PRKAG2: variants seen among roughly 807,000 people sequenced by gnomAD.
The protein encoded by PRKAG2 is 5'-AMP-activated protein kinase subunit gamma-2.
A neutral mutation model predicts 69.6 loss-of-function variants in PRKAG2; 26 were observed. That is an observed-to-expected ratio of 0.37 (90% confidence interval 0.27 to 0.52). The LOEUF is 0.52. PRKAG2 is among the 20% of genes least tolerant of loss of function. PRKAG2 has a pLI of 0.90. For synonymous variants in PRKAG2, 293 were observed against 285.0 expected, an observed-to-expected ratio of 1.03 and a Z score of -0.28; for missense variants, 557 against 740.0, an observed-to-expected ratio of 0.75 and a Z score of 2.87.
intron 5 of PRKAG2, among the ~76,000 whole-genome samples, chr7:151,610,978 CCT>C (rs1818693211): frequency 6.6e-6 from 1 of 152,048 alleles, no homozygotes. Context: ...TGGTTTTGAA[CCT>C]CTGACCGCAG....
chr7:151,764,497 G>A (rs1163843979), intron 3 of PRKAG2, among the ~76,000 whole-genome samples: 2 of 152,214 alleles, frequency 1.3e-5, no homozygotes, highest in Non-Finnish European at 2.9e-5. Flanking sequence ...CCCCCGCCCA[G>A]TACTTTCTGA....
intron 5 of PRKAG2, among the ~76,000 whole-genome samples, chr7:151,628,376 C>A (rs547579341): frequency 6.6e-6 from 1 of 152,164 alleles, no homozygotes; most frequent in African/African-American, 2.4e-5. Flanking sequence ...ACAGCAAAGA[C>A]GTGGTCGGTG....
rs727505238 is a variant in PRKAG2, at chr7:151,595,332, G to A, written c.864+13C>T. The A allele has an allele frequency of 1.8e-5, 28 of 1,589,824 alleles. No homozygotes were observed. In the South Asian group the frequency reaches 3.0e-4, roughly 17 times the overall value. On this transcript the variant is annotated intron_variant, in intron 6 of 15. Coordinates refer to ENST00000287878, the MANE Select transcript of PRKAG2 (RefSeq NM_016203.4). ...AAAATACCAAAAAATTCATGAAAAT[G>A]GAGTACACTTACTTGTAATGTAGTA...
chr7:151,662,331 T>C (rs1287235512), intron 4 of PRKAG2, among the ~76,000 whole-genome samples: 1 of 152,204 alleles, frequency 6.6e-6, no homozygotes, highest in Non-Finnish European at 1.5e-5. Context: ...TGAGGTTTCA[T>C]CCCAGCTCTA....
Position 151,565,508 on chromosome 7 carries a change from T to C in PRKAG2, c.1400-125A>G. 5.0e-6 allele frequency: 5 copies of C among 992,610 alleles called. No homozygotes were observed. In the South Asian group the frequency reaches 8.1e-5, roughly 16 times the overall value. 61.5% of individuals were successfully genotyped at this position (992,610 alleles called of 1,614,324 possible). A position where few individuals can be genotyped will look rare whatever the true frequency, so the allele number is the denominator to read the frequency against. The stretch of plus-strand genomic sequence containing the variant: ...GATAAATAACCTTGTCTATTTTAAA[T>C]GAAAACTTAGATATGAAATCATATT... On this transcript the variant is annotated intron_variant, in intron 12 of 15. Coordinates refer to ENST00000287878, the MANE Select transcript of PRKAG2 (RefSeq NM_016203.4).
intron 1 of PRKAG2, chr7:151,809,240 T>TA (rs2078289826): frequency 2.2e-6 from 1 of 456,522 alleles, no homozygotes; most frequent in East Asian, 7.0e-5. Context: ...AATTCTGCTT[T>TA]CAAAACAGGT....
intron 3 of PRKAG2, among the ~76,000 whole-genome samples, chr7:151,775,290 G>C (rs1315135988): frequency 1.3e-5 from 2 of 152,094 alleles, no homozygotes; most frequent in African/African-American, 4.8e-5. Flanking sequence ...ATTGATTCAG[G>C]GATCCTAACT....
At chr7:151,824,754 C>T (rs1265204270) in intron 1 of PRKAG2, among the ~76,000 whole-genome samples, 1 of 152,182 alleles carries the variant, frequency 6.6e-6, no homozygotes, top group Non-Finnish European at 1.5e-5. Context: ...ACAGCAGTAG[C>T]GAGAAATGCA....
intron 1 of PRKAG2, among the ~76,000 whole-genome samples, chr7:151,852,747 G>A (rs930589105): frequency 1.3e-5 from 2 of 152,030 alleles, no homozygotes; most frequent in Non-Finnish European, 2.9e-5. Context: ...CAGAGAGACC[G>A]GAGAGGCCAG....
At chr7:151,737,475 G>C (rs1284326004) in intron 3 of PRKAG2, among the ~76,000 whole-genome samples, 1 of 152,166 alleles carries the variant, frequency 6.6e-6, no homozygotes, top group Non-Finnish European at 1.5e-5. Context: ...CCGAGCTAAA[G>C]ATTAGTAGCC....
At chr7:151,696,744 TCAAGTCAGATAAAAACGATCA>T (rs1563456003) in intron 3 of PRKAG2, among the ~76,000 whole-genome samples, 1 of 152,064 alleles carries the variant, frequency 6.6e-6, no homozygotes, top group Non-Finnish European at 1.5e-5. Flanking sequence ...ACCTCTCCTC[TCAAGTCAGATAAAAACGATCA>T]CACCAGGGAG....
chr7:151,579,603 C>T (rs1298131956), intron 6 of PRKAG2, among the ~76,000 whole-genome samples: 1 of 152,116 alleles, frequency 6.6e-6, no homozygotes, highest in Non-Finnish European at 1.5e-5. Context: ...GAAAAGAAGG[C>T]TATGCATTGA....
intron 1 of PRKAG2, among the ~76,000 whole-genome samples, chr7:151,871,420 C>CA (rs2080217629): frequency 6.6e-6 from 1 of 152,232 alleles, no homozygotes; most frequent in East Asian, 1.9e-4. Flanking sequence ...GAAAGGCCAG[C>CA]ATGGCCTCAG....
At chr7:151,875,565 GTGTGTGT>G (rs1563774132) in intron 1 of PRKAG2, among the ~76,000 whole-genome samples, 1,980 of 41,436 alleles carry the variant, frequency 0.048, 24 homozygotes, top group Middle Eastern at 0.13. Flanking sequence ...GCACTCTGGT[GTGTGTGT>G]GTGTGTGTGT....
chr7:151,727,556 G>A (rs938980436), intron 3 of PRKAG2, among the ~76,000 whole-genome samples: 1 of 152,210 alleles, frequency 6.6e-6, no homozygotes, highest in Admixed American at 6.5e-5. Context: ...GCCTGGAGAC[G>A]CAGGGGTTTG....
chr7:151,709,908 T>C (rs889516911), intron 3 of PRKAG2, among the ~76,000 whole-genome samples: 5 of 152,026 alleles, frequency 3.3e-5, no homozygotes, highest in African/African-American at 1.2e-4. Context: ...GACAGTGACA[T>C]GTGATATTGT....
At chr7:151,569,113 C>T (rs1413361304) in intron 10 of PRKAG2, among the ~76,000 whole-genome samples, 2 of 152,050 alleles carry the variant, frequency 1.3e-5, no homozygotes, top group African/African-American at 2.4e-5. Context: ...TGTTGCCTGC[C>T]GTCATGGCTC....
intron 14 of PRKAG2, among the ~76,000 whole-genome samples, chr7:151,561,654 C>T (rs1001372477): frequency 3.9e-5 from 6 of 152,182 alleles, no homozygotes; most frequent in Admixed American, 2.0e-4. Context: ...TCATGATGGC[C>T]GGGCGCGATG....
rs539150908 is a variant in PRKAG2 at position 151,756,440 on chromosome 7, C to T, written c.466+24712G>A. Among the ~76,000 whole-genome samples, 185 of 152,352 alleles carry T rather than the reference C, an allele frequency of 1.2e-3. 6 individuals carry two copies. In the South Asian group the frequency reaches 0.037, roughly 30 times the overall value. ...CCGCTCAGCACATGGCTCAGGCACACGCAACGACTCAGTGGTGCCTCCAGG... is the reference window on the plus strand; with the variant it reads ...CCGCTCAGCACATGGCTCAGGCACATGCAACGACTCAGTGGTGCCTCCAGG... On this transcript the variant is annotated intron_variant, in intron 3 of 15. Coordinates refer to ENST00000287878, the MANE Select transcript of PRKAG2 (RefSeq NM_016203.4). This position sits in a 1 kb window ranked among gnomAD's most constrained non-coding sequence, Gnocchi z 4.9.
Sources: allele counts gnomAD v4.1 joint callset (sites outside exome capture counted in the v4.1 genomes callset), GRCh38; gene constraint gnomAD v4.1.1; non-coding constraint Gnocchi (gnomAD v3.1); transcripts MANE v1.5; gene names NCBI Gene and HGNC (gene_info 2026-07-23, HGNC 2026-07-21).